Variants in MEGF11 observed in about 807,000 individuals in gnomAD.
MEGF11 encodes multiple epidermal growth factor-like domains protein 11.
In MEGF11, 126 loss-of-function variants were observed where a neutral mutation model predicts 146.6. The observed-to-expected ratio is 0.86, with a 90% CI of 0.74 to 1.00. The LOEUF (loss-of-function observed/expected upper bound fraction) is 1.00, where lower values mean the gene tolerates loss of function less well. Ranked by LOEUF, MEGF11 falls within the 50% of genes least tolerant of loss-of-function variation. MEGF11 has a pLI of 0.00. For missense variants in MEGF11, 1,509 were observed against 1,521.2 expected (o/e 0.99, Z 0.13); for synonymous variants, 532 against 583.4 (o/e 0.91, Z 1.27).
At chr15:65,922,221 AGGGAAGGAGCTAC>A in intron 15 of MEGF11, 104 bp downstream of exon 15, 1 of 1,298,276 alleles carries the variant, frequency 7.7e-7, no homozygotes, top group Non-Finnish European at 1.1e-6. Context: ...AGTCCTGAAG[AGGGAAGGAGCTAC>A]CTCCATAGCG....
At chr15:66,203,676 A>G (rs183857231) in intron 1 of MEGF11, among the ~76,000 whole-genome samples, 3 of 152,364 alleles carry the variant, frequency 2.0e-5, no homozygotes, top group African/African-American at 7.2e-5. Context: ...AAAATCAGCC[A>G]AAACAAAACT....
intron 1 of MEGF11, among the ~76,000 whole-genome samples, chr15:66,198,465 C>T (rs536403948): frequency 3.3e-5 from 5 of 152,298 alleles, no homozygotes; most frequent in African/African-American, 9.6e-5. Context: ...GCTCATTCAT[C>T]GAAGTCACTT....
chr15:65,964,004 C>T (rs1432182656), intron 9 of MEGF11, among the ~76,000 whole-genome samples: 1 of 152,214 alleles, frequency 6.6e-6, no homozygotes, highest in Non-Finnish European at 1.5e-5. Flanking sequence ...CCAGGGTGGC[C>T]GGTCTTCCCT....
chr15:65,917,796 CTAATAATCCATCATGT>C (rs148740298), intron 16 of MEGF11, among the ~76,000 whole-genome samples, 154 bp downstream of exon 16: 9,580 of 152,262 alleles, frequency 0.063, 426 homozygotes, highest in Non-Finnish European at 0.093. Flanking sequence ...ATGATCAATC[CTAATAATCCATCATGT>C]TAGCTATAGA....
chr15:66,161,422 A>G (rs4776754), intron 1 of MEGF11, among the ~76,000 whole-genome samples: 94,890 of 151,864 alleles, frequency 0.62, 34,142 homozygotes, highest in South Asian at 0.83. Flanking sequence ...ATCTTGCTCT[A>G]TCACCCAGGC....
At chr15:66,057,582 G>A (rs1218793036) in intron 5 of MEGF11, among the ~76,000 whole-genome samples, 2 of 151,844 alleles carry the variant, frequency 1.3e-5, no homozygotes, top group Admixed American at 6.6e-5. Context: ...TTTCTATTAC[G>A]TCAAGGACAT....
intron 5 of MEGF11, among the ~76,000 whole-genome samples, chr15:66,009,444 T>C (rs1567200285): frequency 6.6e-6 from 1 of 152,014 alleles, no homozygotes; most frequent in Non-Finnish European, 1.5e-5. Context: ...CTCACATCTA[T>C]GACTCAAGAC....
In MEGF11 at chr15:65,912,188, C is replaced by G; in HGVS notation, c.2723G>C (p.Ser908Thr). 1 of 1,232,376 alleles carries G rather than the reference C, an allele frequency of 8.1e-7. No individual in the cohort carries two copies. The highest frequency in any genetic ancestry group is 1.0e-6 in the Non-Finnish European group (1 of 988,170). The allele number at this position is 1,232,376 out of a possible 1,614,324, so 76.3% of individuals were successfully genotyped here. Residue 908 changes from serine (S) to threonine (T), a missense_variant, in exon 21 of 26, where the codon AGT becomes ACT. Coordinates refer to ENST00000395614, the MANE Select transcript of MEGF11 (RefSeq NM_001385028.1). ...TDYSLSDLSQ[S>T]SSHAHCFSNS... ...GGAAAAGCAGTGGGCATGGCTGCTACTTTGAGACAAATCTGGGAAGAGAAC... is the reference window on the plus strand; with the variant it reads ...GGAAAAGCAGTGGGCATGGCTGCTAGTTTGAGACAAATCTGGGAAGAGAAC...
intron 4 of MEGF11, among the ~76,000 whole-genome samples, chr15:66,114,268 C>CT (rs1162644862): frequency 2.0e-5 from 3 of 152,232 alleles, no homozygotes; most frequent in Non-Finnish European, 4.4e-5. Flanking sequence ...TTAGAGCCCT[C>CT]TTCTCTCTGC....
intron 5 of MEGF11, among the ~76,000 whole-genome samples, chr15:66,035,294 T>C (rs995134057): frequency 2.0e-5 from 3 of 152,198 alleles, no homozygotes; most frequent in Non-Finnish European, 4.4e-5. Flanking sequence ...CTACTACTGC[T>C]GCTGCTGCCG....
chr15:65,957,531 GC>G lies in MEGF11; in HGVS notation c.1287+15del. 1 of 1,609,806 alleles carries G rather than the reference GC, an allele frequency of 6.2e-7. No individual in the cohort carries two copies. The highest frequency in any genetic ancestry group is 8.5e-7 in the Non-Finnish European group (1 of 1,178,166). Reference sequence around the variant, plus strand: ...GTGGAGGTCAGGAAGGCCACGGGAGGCCCCTCCCATCTTACCATGAAGCCCG... The same window carrying G: ...GTGGAGGTCAGGAAGGCCACGGGAGGCCCTCCCATCTTACCATGAAGCCCG... On this transcript the variant is annotated intron_variant, in intron 10 of 25. Transcript: ENST00000395614.
intron 5 of MEGF11, among the ~76,000 whole-genome samples, chr15:66,086,162 T>C (rs1220996509): frequency 6.6e-6 from 1 of 152,158 alleles, no homozygotes; most frequent in Non-Finnish European, 1.5e-5. Flanking sequence ...TCTGGGATTA[T>C]ATTAAAAGAT....
At chr15:66,030,748 G>A (rs1008653524) in intron 5 of MEGF11, among the ~76,000 whole-genome samples, 2 of 152,274 alleles carry the variant, frequency 1.3e-5, no homozygotes, top group Admixed American at 6.5e-5. Context: ...AGCCCCTGCA[G>A]TGTCAAGATC....
rs543925104 is a variant in MEGF11 at position 66,080,098 on chromosome 15, C to T, written c.394+14304G>A. On this transcript the variant is annotated intron_variant, in intron 5 of 25. Coordinates refer to ENST00000395614, the MANE Select transcript of MEGF11 (RefSeq NM_001385028.1). Reference sequence around the variant, plus strand: ...TGACAGCCAAGGGCGGAGAGATGGACATCAAGGCCGGCAGACCCAGGTTCT... The same window carrying T: ...TGACAGCCAAGGGCGGAGAGATGGATATCAAGGCCGGCAGACCCAGGTTCT... Among the ~76,000 whole-genome samples the T allele has an allele frequency of 5.9e-5, 9 of 152,300 alleles. No homozygotes were observed. In the South Asian group the frequency reaches 1.9e-3, roughly 32 times the overall value.
intron 17 of MEGF11, chr15:65,916,614 TC>T (rs1251832974): frequency 1.1e-6 from 1 of 881,564 alleles, no homozygotes; most frequent in Non-Finnish European, 1.8e-6. Context: ...GCCCTGACCT[TC>T]CAGGACTTTG....
intron 8 of MEGF11, among the ~76,000 whole-genome samples, chr15:65,969,085 C>T (rs2081214449): frequency 6.6e-6 from 1 of 152,188 alleles, no homozygotes; most frequent in Admixed American, 6.5e-5. Flanking sequence ...GGGTTCCTCT[C>T]TGCCCAGGAT....
intron 10 of MEGF11, among the ~76,000 whole-genome samples, chr15:65,935,431 C>T (rs1262742717): frequency 1.3e-5 from 2 of 150,506 alleles, no homozygotes; most frequent in Non-Finnish European, 2.9e-5. Flanking sequence ...GGGCCTGAGC[C>T]CTCCACCTGT....
rs138834422 is a variant in MEGF11, at chr15:65,910,885, C to T, written c.2830-1079G>A. Among the ~76,000 whole-genome samples, 332 of 152,272 alleles carry T rather than the reference C, an allele frequency of 2.2e-3. 4 individuals carry two copies. Among genetic ancestry groups the T allele is most frequent in the African/African-American group, 7.7e-3 (320 of 41,528 alleles). Reference sequence around the variant, plus strand: ...TCCCACTCCCACCATGGCCCTGCTCCCCACTGTTTTGTGTCTATGGGCACA... The same window carrying T: ...TCCCACTCCCACCATGGCCCTGCTCTCCACTGTTTTGTGTCTATGGGCACA... On this transcript the variant is annotated intron_variant, in intron 21 of 25. Transcript: ENST00000395614.
chr15:65,909,713 G>A, intron 22 of MEGF11, 27 bp downstream of exon 22: 1 of 1,548,082 alleles, frequency 6.5e-7, no homozygotes, highest in Non-Finnish European at 8.7e-7. Flanking sequence ...ACATGATGGT[G>A]GGGACCAGAC....
Sources: allele counts gnomAD v4.1 joint callset (sites outside exome capture counted in the v4.1 genomes callset), GRCh38; gene constraint gnomAD v4.1.1; transcripts MANE v1.5; gene names NCBI Gene and HGNC (gene_info 2026-07-23, HGNC 2026-07-21).